The following KCNB2 variants were observed in gnomAD, a reference collection of about 807,000 sequenced individuals.
KCNB2 encodes potassium voltage-gated channel subfamily B member 2.
In KCNB2, 15 loss-of-function variants were observed where a neutral mutation model predicts 61.5. The ratio of observed to expected loss-of-function variants is 0.24; its 90% confidence interval spans 0.16 to 0.38. The LOEUF (loss-of-function observed/expected upper bound fraction) is 0.38, where lower values mean the gene tolerates loss of function less well. Ranked by LOEUF, KCNB2 falls within the 10% of genes least tolerant of loss-of-function variation. The pLI, the probability that KCNB2 is intolerant of heterozygous loss-of-function variation, is 1.00. For synonymous variants in KCNB2, 457 were observed against 446.0 expected, an observed-to-expected ratio of 1.02 and a Z score of -0.31; for missense variants, 828 against 1,125.2, an observed-to-expected ratio of 0.74 and a Z score of 3.78.
chr8:72,837,799 T>A (rs1809806021), intron 2 of KCNB2, among the ~76,000 whole-genome samples: 1 of 150,184 alleles, frequency 6.7e-6, no homozygotes, highest in Non-Finnish European at 1.5e-5. Flanking sequence ...TTCAGGCACT[T>A]TAAAGTACTT....
At chr8:72,893,082 A>G (rs1805927062) in intron 2 of KCNB2, among the ~76,000 whole-genome samples, 1 of 151,010 alleles carries the variant, frequency 6.6e-6, no homozygotes, top group Admixed American at 6.6e-5. Flanking sequence ...AAAAGGAAGG[A>G]GGTTGATGCA....
At chr8:72,710,954 A>G (rs895658267) in intron 2 of KCNB2, among the ~76,000 whole-genome samples, 4 of 152,230 alleles carry the variant, frequency 2.6e-5, no homozygotes, top group Non-Finnish European at 5.9e-5. Flanking sequence ...ATCGATCAAC[A>G]TAGGCTAAGT....
intron 2 of KCNB2, among the ~76,000 whole-genome samples, chr8:72,708,415 C>A (rs73688759): frequency 6.6e-6 from 1 of 152,160 alleles, no homozygotes; most frequent in Non-Finnish European, 1.5e-5. Context: ...TTGCTGAGAT[C>A]ATCCAAAATG....
chr8:72,767,056 C>T (rs779076472), intron 2 of KCNB2, among the ~76,000 whole-genome samples: 4 of 152,178 alleles, frequency 2.6e-5, no homozygotes, highest in South Asian at 2.1e-4. Context: ...TTCACTATCA[C>T]GAGAATAGCA....
At chr8:72,849,073 T>C (rs187995080) in intron 2 of KCNB2, among the ~76,000 whole-genome samples, 65 of 150,486 alleles carry the variant, frequency 4.3e-4, no homozygotes, top group African/African-American at 1.2e-3. Context: ...AAGTATATAG[T>C]ATTTCTTCTA....
chr8:72,762,882 A>AATAC (rs1808404597), intron 2 of KCNB2, among the ~76,000 whole-genome samples: 1 of 141,618 alleles, frequency 7.1e-6, no homozygotes, highest in African/African-American at 2.6e-5. Context: ...CATATTAACA[A>AATAC]ATATATATAT....
intron 2 of KCNB2, among the ~76,000 whole-genome samples, chr8:72,646,014 A>G (rs1374757254): frequency 6.6e-6 from 1 of 152,114 alleles, no homozygotes; most frequent in Non-Finnish European, 1.5e-5. Flanking sequence ...TCACAAGAAT[A>G]TTTCACCTTC....
chr8:72,656,906 T>G (rs1179676424), intron 2 of KCNB2, among the ~76,000 whole-genome samples: 1 of 152,134 alleles, frequency 6.6e-6, no homozygotes. Flanking sequence ...AAAGGAAGCA[T>G]TGTGTTGCCT....
chr8:72,562,811 A>G (rs1806558233), intron 1 of KCNB2, among the ~76,000 whole-genome samples: 1 of 152,232 alleles, frequency 6.6e-6, no homozygotes. Context: ...AAATTCACTT[A>G]TGAAAGTATA....
chr8:72,832,405 G>T (rs1334169176), intron 2 of KCNB2, among the ~76,000 whole-genome samples: 1 of 152,178 alleles, frequency 6.6e-6, no homozygotes, highest in Non-Finnish European at 1.5e-5. Flanking sequence ...GTTTTAGAAG[G>T]ATTGGAGGCA....
intron 2 of KCNB2, among the ~76,000 whole-genome samples, chr8:72,715,368 G>T (rs535615720): frequency 6.6e-6 from 1 of 152,254 alleles, no homozygotes; most frequent in South Asian, 2.1e-4. Context: ...ATTCTTTTCA[G>T]CACCACACCA....
chr8:72,908,940 T>C (rs1048785069), intron 2 of KCNB2, among the ~76,000 whole-genome samples: 5 of 152,172 alleles, frequency 3.3e-5, no homozygotes, highest in Admixed American at 2.0e-4. Context: ...TACAGCAGAG[T>C]AACAAGTTGC....
chr8:72,728,587 T>C (rs939898478), intron 2 of KCNB2, among the ~76,000 whole-genome samples: 3 of 152,204 alleles, frequency 2.0e-5, no homozygotes, highest in Non-Finnish European at 2.9e-5. Context: ...CAGATGTAGA[T>C]AGATATCTAT....
At chr8:72,863,630 C>A (rs528236700) in intron 2 of KCNB2, among the ~76,000 whole-genome samples, 6 of 152,236 alleles carry the variant, frequency 3.9e-5, no homozygotes, top group Non-Finnish European at 7.3e-5. Flanking sequence ...CAGGACATTC[C>A]TTTACAGGCC....
At chr8:72,869,828 C>T (rs1805588649) in intron 2 of KCNB2, among the ~76,000 whole-genome samples, 1 of 152,152 alleles carries the variant, frequency 6.6e-6, no homozygotes, top group Non-Finnish European at 1.5e-5. Flanking sequence ...GATCAGGCAA[C>T]CCCACTTCTG....
At chr8:72,562,922 G>A (rs1442121268) in intron 1 of KCNB2, among the ~76,000 whole-genome samples, 1 of 152,042 alleles carries the variant, frequency 6.6e-6, no homozygotes, top group Non-Finnish European at 1.5e-5. Context: ...CTTACCCACA[G>A]GGAACTGGCA....
At chr8:72,552,736 G>C (rs559005366) in intron 1 of KCNB2, among the ~76,000 whole-genome samples, 2 of 152,258 alleles carry the variant, frequency 1.3e-5, no homozygotes, top group African/African-American at 4.8e-5. Context: ...TCTGTCCACT[G>C]GCACTGTTCT....
At position 72,928,337 on chromosome 8, in the gene KCNB2, C is replaced by T. The variant is rs181056628; in HGVS notation, c.580-7598C>T. ...TCACCCAAGTAGCTGCGACTACAGG[C>T]ACACGTAACCACACCTGACTAATTT... On this transcript the variant is annotated intron_variant, in intron 2 of 2. Transcript: ENST00000523207. Among the ~76,000 whole-genome samples the T allele has an allele frequency of 5.5e-4, 84 of 152,002 alleles. 1 individual carries two copies. In the East Asian group the frequency reaches 0.01, roughly 19 times the overall value.
At chr8:72,812,915 C>T (rs1314885030) in intron 2 of KCNB2, among the ~76,000 whole-genome samples, 1 of 152,066 alleles carries the variant, frequency 6.6e-6, no homozygotes, top group African/African-American at 2.4e-5. Flanking sequence ...AATTTGGAAG[C>T]TTTCCTTATT....
Sources: allele counts gnomAD v4.1 joint callset (sites outside exome capture counted in the v4.1 genomes callset), GRCh38; gene constraint gnomAD v4.1.1; transcripts MANE v1.5; gene names NCBI Gene and HGNC (gene_info 2026-07-23, HGNC 2026-07-21).